Variants in LRMDA observed in about 807,000 individuals in gnomAD.
LRMDA encodes the protein leucine rich melanocyte differentiation associated.
LRMDA carries 18 observed loss-of-function variants against 29.8 expected under a neutral mutation model. The observed-to-expected ratio is 0.60, with a 90% CI of 0.42 to 0.90. The LOEUF (loss-of-function observed/expected upper bound fraction) is 0.90. Among genes scored for constraint, LRMDA ranks in the 40% least tolerant of loss-of-function variants. LRMDA has a pLI of 0.00. For missense variants in LRMDA, 273 were observed against 273.9 expected (o/e 1.00, Z 0.02); for synonymous variants, 125 against 109.4 (o/e 1.14, Z -0.89).
chr10:75,840,278 AC>A (rs892039903), intron 2 of LRMDA, among the ~76,000 whole-genome samples: 7 of 152,132 alleles, frequency 4.6e-5, no homozygotes. Flanking sequence ...AGGATTGAGA[AC>A]CCTCTCTTTT....
At chr10:76,061,697 T>A in intron 5 of LRMDA, among the ~76,000 whole-genome samples, 1 of 152,082 alleles carries the variant, frequency 6.6e-6, no homozygotes, top group East Asian at 1.9e-4. Context: ...GAGGGTGTAG[T>A]TTCCTGAGGC....
chr10:75,530,750 C>T (rs904922235), intron 2 of LRMDA, among the ~76,000 whole-genome samples: 1 of 152,126 alleles, frequency 6.6e-6, no homozygotes, highest in Admixed American at 6.5e-5. Context: ...AAAGAGTTGA[C>T]ATTCCTCTCC....
chr10:75,824,354 T>C (rs931129499), intron 2 of LRMDA, among the ~76,000 whole-genome samples: 1 of 152,214 alleles, frequency 6.6e-6, no homozygotes, highest in African/African-American at 2.4e-5. Flanking sequence ...CTGTCTATTT[T>C]TGTAATTAAA....
At chr10:75,482,325 G>A (rs576703311) in intron 2 of LRMDA, among the ~76,000 whole-genome samples, 16 of 152,234 alleles carry the variant, frequency 1.1e-4, no homozygotes, top group African/African-American at 3.1e-4. Flanking sequence ...AGCCTGCCCT[G>A]CAGTCTGCAA....
intron 5 of LRMDA, among the ~76,000 whole-genome samples, chr10:76,199,305 A>G (rs937579980): frequency 6.6e-6 from 1 of 152,208 alleles, no homozygotes; most frequent in Admixed American, 6.5e-5. Context: ...TTCTTGAGTG[A>G]TACCATGGAT....
Position 75,431,696 on chromosome 10 carries a change from T to A in LRMDA, c.-29T>A. ...GCTGCCGCCGCGCCCCCGCGCTCCGTCCCGCGCGCCCGCAGCGTCCTGGCC... is the reference window on the plus strand; with the variant it reads ...GCTGCCGCCGCGCCCCCGCGCTCCGACCCGCGCGCCCGCAGCGTCCTGGCC... On this transcript the variant is annotated 5_prime_UTR_variant, in exon 1 of 7. Transcript: ENST00000611255. 7.7e-7 allele frequency: 1 copy of A among 1,297,182 alleles called. No individual in the cohort carries two copies. 80.4% of individuals were successfully genotyped at this position (1,297,182 alleles called of 1,614,324 possible).
chr10:75,576,042 G>A (rs1008904005), intron 2 of LRMDA, among the ~76,000 whole-genome samples: 13 of 152,082 alleles, frequency 8.5e-5, no homozygotes, highest in African/African-American at 3.1e-4. Context: ...CTGAAAAGTG[G>A]GCTGAAGCCA....
chr10:75,583,435 A>T (rs1488326203), intron 2 of LRMDA, among the ~76,000 whole-genome samples: 2 of 152,094 alleles, frequency 1.3e-5, no homozygotes, highest in African/African-American at 4.8e-5. Flanking sequence ...GAGCAGAAGG[A>T]AGAGAGAGAG....
At chr10:76,147,224 G>T (rs1850342208) in intron 5 of LRMDA, among the ~76,000 whole-genome samples, 1 of 151,904 alleles carries the variant, frequency 6.6e-6, no homozygotes, top group Non-Finnish European at 1.5e-5. Context: ...GAATCTGAAT[G>T]TTGGCCTGCC....
intron 2 of LRMDA, among the ~76,000 whole-genome samples, chr10:76,031,890 G>T (rs1458652983): frequency 6.6e-6 from 1 of 152,176 alleles, no homozygotes; most frequent in Non-Finnish European, 1.5e-5. Context: ...AGGGTCTGTG[G>T]TCAGCTATTC....
chr10:75,954,660 A>C (rs1331544188), intron 2 of LRMDA, among the ~76,000 whole-genome samples: 2 of 152,184 alleles, frequency 1.3e-5, no homozygotes, highest in Non-Finnish European at 2.9e-5. Flanking sequence ...CATTTGAGGA[A>C]AGATTCTAAG....
intron 2 of LRMDA, among the ~76,000 whole-genome samples, chr10:75,673,914 C>G (rs1309331566): frequency 2.0e-5 from 3 of 152,104 alleles, no homozygotes; most frequent in African/African-American, 4.8e-5. Context: ...TCTTAGCATC[C>G]TGCCTGACAC....
chr10:76,356,538 A>G (rs1026975544), intron 6 of LRMDA, among the ~76,000 whole-genome samples: 1 of 152,176 alleles, frequency 6.6e-6, no homozygotes, highest in Non-Finnish European at 1.5e-5. Context: ...GATTGGTGGA[A>G]GGAAAAGCAA....
At chr10:76,051,314 T>G (rs1848527967) in intron 4 of LRMDA, among the ~76,000 whole-genome samples, 1 of 152,254 alleles carries the variant, frequency 6.6e-6, no homozygotes, top group African/African-American at 2.4e-5. Flanking sequence ...TAATTGCCGG[T>G]TACTCTCTGT....
At chr10:75,485,958 T>G (rs1844908294) in intron 2 of LRMDA, among the ~76,000 whole-genome samples, 1 of 152,224 alleles carries the variant, frequency 6.6e-6, no homozygotes, top group African/African-American at 2.4e-5. Flanking sequence ...ATTTTTTGAT[T>G]TTGAGCTGCT....
chr10:75,795,737 G>A (rs1843641502), intron 2 of LRMDA, among the ~76,000 whole-genome samples: 1 of 152,000 alleles, frequency 6.6e-6, no homozygotes, highest in Admixed American at 6.6e-5. Context: ...TATAAACTGA[G>A]GTCCTTTGGG....
At chr10:76,216,515 G>A (rs1268449200) in intron 5 of LRMDA, among the ~76,000 whole-genome samples, 2 of 152,208 alleles carry the variant, frequency 1.3e-5, no homozygotes, top group Non-Finnish European at 2.9e-5. Flanking sequence ...GCACAAGATG[G>A]AGACATTTTG....
chr10:75,901,777 C>T (rs932694639), intron 2 of LRMDA, among the ~76,000 whole-genome samples: 23 of 152,062 alleles, frequency 1.5e-4, no homozygotes, highest in Admixed American at 3.3e-4. Context: ...AGCTGATTGC[C>T]GCGAATTAAT....
At chr10:75,664,573 C>T (rs946908574) in intron 2 of LRMDA, among the ~76,000 whole-genome samples, 6 of 152,050 alleles carry the variant, frequency 3.9e-5, no homozygotes, top group African/African-American at 1.4e-4. Context: ...GGAGCTCCTG[C>T]TAAGGGCACT....
Sources: allele counts gnomAD v4.1 joint callset (sites outside exome capture counted in the v4.1 genomes callset), GRCh38; gene constraint gnomAD v4.1.1; transcripts MANE v1.5; gene names NCBI Gene and HGNC (gene_info 2026-07-23, HGNC 2026-07-21).